INPP4B: variants seen among roughly 807,000 people sequenced by gnomAD.
INPP4B encodes inositol polyphosphate 4-phosphatase type II.
In INPP4B, 55 loss-of-function variants were observed where a neutral mutation model predicts 122.5. That is an observed-to-expected ratio of 0.45 (90% CI 0.36 to 0.56). The LOEUF is 0.56. Among genes scored for constraint, INPP4B ranks in the 20% least tolerant of loss-of-function variants. INPP4B has a pLI of 0.00. For missense variants in INPP4B, 1,000 were observed against 1,097.7 expected, an observed-to-expected ratio of 0.91 and a Z score of 1.26; for synonymous variants, 403 against 388.7, an observed-to-expected ratio of 1.04 and a Z score of -0.43.
At chr4:142,826,740 T>A (rs2151169967) in intron 1 of INPP4B, among the ~76,000 whole-genome samples, 1 of 152,238 alleles carries the variant, frequency 6.6e-6, no homozygotes, top group African/African-American at 2.4e-5. Context: ...TGATAAGAGC[T>A]CTCTCCACTT....
intron 4 of INPP4B, among the ~76,000 whole-genome samples, chr4:142,430,311 T>G (rs1809025938): frequency 6.6e-6 from 1 of 152,092 alleles, no homozygotes; most frequent in Admixed American, 6.6e-5. Context: ...TAGGTTTTTG[T>G]GAACTTGAAA....
intron 8 of INPP4B, among the ~76,000 whole-genome samples, chr4:142,314,412 C>T (rs1461395900): frequency 2.0e-5 from 3 of 152,130 alleles, no homozygotes; most frequent in African/African-American, 2.4e-5. Flanking sequence ...TCCCTCACCT[C>T]CTGTTGGTCC....
chr4:142,096,621 A>T (rs946188165), intron 23 of INPP4B, among the ~76,000 whole-genome samples: 1 of 152,144 alleles, frequency 6.6e-6, no homozygotes, highest in Admixed American at 6.5e-5. Context: ...GCTTCTAAAG[A>T]TAGTAGTTAA....
At chr4:142,453,169 A>G (rs1367647365) in intron 3 of INPP4B, among the ~76,000 whole-genome samples, 3 of 152,132 alleles carry the variant, frequency 2.0e-5, no homozygotes, top group Non-Finnish European at 4.4e-5. Context: ...CTTTTTTCGC[A>G]TGCACCAAAG....
chr4:142,777,384 G>A (rs1178747125), intron 1 of INPP4B, among the ~76,000 whole-genome samples: 3 of 152,160 alleles, frequency 2.0e-5, no homozygotes, highest in Admixed American at 6.5e-5. Context: ...AGGAGCCCAT[G>A]TCAGGAAACT....
At position 142,398,401 on chromosome 4, in the gene INPP4B, AATATATATATATATAT is replaced by A. The variant is rs1206023677; in HGVS notation, c.372+4521_372+4536del. On this transcript the variant is annotated intron_variant, in intron 7 of 25. Transcript: ENST00000262992. ...TAAAAAAAAAAAAAAAAAAAAAAAA[AATATATATATATATAT>A]ATATATATATATATATATATATATA... Among the ~76,000 whole-genome samples the A allele has an allele frequency of 2.7e-3, 78 of 28,496 alleles. 2 individuals are homozygous for A. In the East Asian group the frequency reaches 0.042, roughly 15 times the overall value. 18.7% of individuals were successfully genotyped at this position (28,496 alleles called of 152,430 possible).
At chr4:142,624,186 C>G (rs1174530802) in intron 2 of INPP4B, among the ~76,000 whole-genome samples, 1 of 151,968 alleles carries the variant, frequency 6.6e-6, no homozygotes, top group Non-Finnish European at 1.5e-5. Flanking sequence ...GTCCCACCAA[C>G]AGTATAAAGT....
chr4:142,252,592 A>C (rs1732873638), intron 11 of INPP4B, among the ~76,000 whole-genome samples: 1 of 152,216 alleles, frequency 6.6e-6, no homozygotes, highest in South Asian at 2.1e-4. Context: ...ACAGTACTAT[A>C]TGTCTCAATT....
intron 23 of INPP4B, among the ~76,000 whole-genome samples, chr4:142,095,707 A>G (rs336300): frequency 0.52 from 78,648 of 152,050 alleles, 24,746 homozygotes; most frequent in Non-Finnish European, 0.68. Context: ...AAGTCAACAT[A>G]GATTGCAAAG....
chr4:142,029,335 G>A, intron 25 of INPP4B: 1 of 984,394 alleles, frequency 1.0e-6, no homozygotes, highest in South Asian at 4.7e-5. Flanking sequence ...ATTAAGTCTG[G>A]CCCTATAGAT....
At chr4:142,710,514 A>T (rs1663230419) in intron 2 of INPP4B, among the ~76,000 whole-genome samples, 1 of 152,174 alleles carries the variant, frequency 6.6e-6, no homozygotes, top group Non-Finnish European at 1.5e-5. Context: ...AAAATGTAGC[A>T]TTTTTTTAAA....
chr4:142,658,532 G>A (rs1754572416), intron 2 of INPP4B, among the ~76,000 whole-genome samples: 1 of 152,202 alleles, frequency 6.6e-6, no homozygotes, highest in Admixed American at 6.5e-5. Flanking sequence ...AAGATATGGA[G>A]CATGTTTGTT....
At chr4:142,465,880 G>A (rs1817666145) in intron 2 of INPP4B, among the ~76,000 whole-genome samples, 1 of 152,182 alleles carries the variant, frequency 6.6e-6, no homozygotes, top group Non-Finnish European at 1.5e-5. Flanking sequence ...CTATGTGCCT[G>A]CTTCTCCTTT....
intron 2 of INPP4B, among the ~76,000 whole-genome samples, chr4:142,562,159 AT>A (rs1730616237): frequency 6.6e-6 from 1 of 152,176 alleles, no homozygotes; most frequent in Admixed American, 6.5e-5. Context: ...TCACTACATC[AT>A]TTTGCTTTAA....
chr4:142,658,560 T>C (rs1056346063), intron 2 of INPP4B, among the ~76,000 whole-genome samples: 2 of 152,266 alleles, frequency 1.3e-5, no homozygotes, highest in African/African-American at 4.8e-5. Context: ...GCCTGGTTCC[T>C]CTAGAATTTT....
chr4:142,621,065 C>A (rs1453350215), intron 2 of INPP4B, among the ~76,000 whole-genome samples: 1 of 151,584 alleles, frequency 6.6e-6, no homozygotes, highest in African/African-American at 2.4e-5. Flanking sequence ...ACTATAATGT[C>A]TTAGTTATAT....
intron 2 of INPP4B, among the ~76,000 whole-genome samples, chr4:142,471,370 G>A (rs963687169): frequency 2.6e-5 from 4 of 152,116 alleles, no homozygotes; most frequent in African/African-American, 9.7e-5. Flanking sequence ...TGTGTTGGCA[G>A]TAGTTATTTT....
At position 142,270,671 on chromosome 4, in the gene INPP4B, C is replaced by G. The variant is rs2150565703; in HGVS notation, c.607G>C (p.Gly203Arg). 6.3e-7 allele frequency: 1 copy of G among 1,595,698 alleles called. No individual in the cohort carries two copies. ...GCAGACTGAGATCCTACCTTTTGTCCCTGTACATCTGTGGTGATGTGGTCG... is the reference window on the plus strand; with the variant it reads ...GCAGACTGAGATCCTACCTTTTGTCGCTGTACATCTGTGGTGATGTGGTCG... Reference protein sequence around the residue: ...EADHITTDVQGQKCALVCECT... With the variant: ...EADHITTDVQRQKCALVCECT... Residue 203 changes from glycine (G) to arginine (R), a missense_variant, in exon 10 of 26, where the codon GGA becomes CGA. Transcript: ENST00000262992.
At chr4:142,141,784 C>G (rs1807961500) in intron 18 of INPP4B, among the ~76,000 whole-genome samples, 1 of 152,000 alleles carries the variant, frequency 6.6e-6, no homozygotes, top group Admixed American at 6.6e-5. Context: ...AAAAGTAGCA[C>G]AACCCAGATG....
Sources: gnomAD v4.1 joint callset for allele counts (sites outside exome capture counted in the v4.1 genomes callset) on GRCh38, gnomAD v4.1.1 for gene constraint, MANE v1.5 for transcripts, NCBI Gene and HGNC (gene_info 2026-07-23, HGNC 2026-07-21) for gene names.